WDR48: variants seen among roughly 807,000 people sequenced by gnomAD.
The protein encoded by WDR48 is WD repeat domain 48.
WDR48 carries 22 observed loss-of-function variants against 94.0 expected under a neutral mutation model. The ratio of observed to expected loss-of-function variants is 0.23; its 90% CI spans 0.17 to 0.33. The LOEUF is 0.33. WDR48 is among the 10% of genes least tolerant of loss of function. The pLI is 1.00. For missense variants in WDR48, 541 were observed against 813.8 expected, an observed-to-expected ratio of 0.66 and a Z score of 4.08; for synonymous variants, 278 against 280.5, an observed-to-expected ratio of 0.99 and a Z score of 0.09.
In WDR48 at chr3:39,094,865, C is replaced by T. The variant is rs1404623813; in HGVS notation, c.*122C>T. ...CTTCTAACGGCTGATTGGTATGGACCGAGATTATCTTTCAATTGAAGTGAC... is the reference window on the plus strand; with the variant it reads ...CTTCTAACGGCTGATTGGTATGGACTGAGATTATCTTTCAATTGAAGTGAC... On this transcript the variant is annotated 3_prime_UTR_variant, in exon 19 of 19. Transcript: ENST00000302313. 10 of 1,240,290 alleles carry T rather than the reference C, an allele frequency of 8.1e-6. No individual in the cohort carries two copies. Among genetic ancestry groups the T allele is most frequent in the East Asian group, 2.3e-5 (1 of 42,836 alleles). 76.8% of individuals were successfully genotyped at this position (1,240,290 alleles called of 1,614,324 possible). A position where few individuals can be genotyped will look rare whatever the true frequency, so the allele number is the denominator to read the frequency against.
intron 16 of WDR48, 183 bp from the exon 17 acceptor site, chr3:39,091,442 A>G: frequency 2.1e-6 from 1 of 484,888 alleles, no homozygotes. Flanking sequence ...TGTTACATAT[A>G]TTTTTCTGAT....
At chr3:39,092,680 A>G (rs1369125197) in intron 17 of WDR48, among the ~76,000 whole-genome samples, 1 of 152,172 alleles carries the variant, frequency 6.6e-6, no homozygotes, top group Non-Finnish European at 1.5e-5. Flanking sequence ...GGGATGCTAA[A>G]CTATGAACAA....
chr3:39,075,993 G>A (rs1012033153), intron 8 of WDR48, among the ~76,000 whole-genome samples: 17 of 152,160 alleles, frequency 1.1e-4, no homozygotes, highest in African/African-American at 4.1e-4. Context: ...ACCACACGTG[G>A]CCGGAAGTTT....
intron 2 of WDR48, among the ~76,000 whole-genome samples, chr3:39,064,524 C>T (rs1575400062): frequency 6.6e-6 from 1 of 152,156 alleles, no homozygotes; most frequent in African/African-American, 2.4e-5. Flanking sequence ...ATCCAACTGC[C>T]TTGGCCTCCC....
intron 7 of WDR48, among the ~76,000 whole-genome samples, chr3:39,073,167 C>T (rs2034031381): frequency 6.6e-6 from 1 of 152,164 alleles, no homozygotes; most frequent in South Asian, 2.1e-4. Context: ...AGAATAACAC[C>T]TCTTCCTGGA....
chr3:39,078,150 T>C lies in WDR48; in HGVS notation c.986T>C (p.Ile329Thr). ...STVNKWTLKGIHNFRASGDYD... is the reference protein window; with the variant it reads ...STVNKWTLKGTHNFRASGDYD... ...TTGTAATTTTAGACTTTGAAAGGAATTCATAATTTTAGAGCCTCTGGAGAT... is the reference window on the plus strand; with the variant it reads ...TTGTAATTTTAGACTTTGAAAGGAACTCATAATTTTAGAGCCTCTGGAGAT... The change falls in exon 10 of 19, where the codon ATT (isoleucine) becomes ACT (threonine). Residue 329 changes from isoleucine (I) to threonine (T), a missense_variant. Around this residue, in one of 5 missense-constraint regions of WDR48, gnomAD observed 238 missense variants for 285.3 expected, o/e 0.83. Transcript: ENST00000302313. 3 of 1,610,378 alleles carry C rather than the reference T, an allele frequency of 1.9e-6. No individual in the cohort carries two copies. Among genetic ancestry groups the C allele is most frequent in the Non-Finnish European group, 2.5e-6 (3 of 1,178,110 alleles).
intron 13 of WDR48, among the ~76,000 whole-genome samples, chr3:39,085,308 C>G (rs1412978572): frequency 6.6e-6 from 1 of 152,070 alleles, no homozygotes; most frequent in Admixed American, 6.5e-5. Flanking sequence ...TGTCTTTGCT[C>G]CATAGCATCA....
chr3:39,054,187 C>T (rs6599004), intron 1 of WDR48, among the ~76,000 whole-genome samples: 73,005 of 152,114 alleles, frequency 0.48, 21,414 homozygotes, highest in African/African-American at 0.84. Flanking sequence ...CAAACAAAAA[C>T]ATAAATTAGA....
In WDR48 at chr3:39,052,048, A is replaced by G; in HGVS notation, c.23A>G (p.Asn8Ser). MAAHHRQ[N>S]TAGRRKVQVS... ...AAGATGGCGGCCCATCACCGGCAGA[A>G]CACAGCAGGGCGGAGGAAAGTGCAG... Residue 8 changes from asparagine to serine, a missense_variant, in exon 1 of 19, where the codon AAC becomes AGC. Around this residue, in one of 5 missense-constraint regions of WDR48, gnomAD observed 90 missense variants for 122.3 expected, o/e 0.74. Coordinates refer to ENST00000302313, the MANE Select transcript of WDR48 (RefSeq NM_020839.4). 6.2e-7 allele frequency: 1 copy of G among 1,613,954 alleles called. No individual in the cohort carries two copies. The highest frequency in any genetic ancestry group is 1.1e-5 in the South Asian group (1 of 91,088).
intron 8 of WDR48, 26 bp from the exon 9 acceptor site, chr3:39,077,113 G>C: frequency 6.2e-7 from 1 of 1,613,740 alleles, no homozygotes; most frequent in Non-Finnish European, 8.5e-7. Context: ...ATTCCACAAA[G>C]CAATATTTTT....
chr3:39,084,123 T>C, intron 11 of WDR48, 32 bp from the exon 12 acceptor site: 1 of 1,217,616 alleles, frequency 8.2e-7, no homozygotes, highest in South Asian at 1.4e-5. Flanking sequence ...CACCACTTAA[T>C]ATTGATCATT....
chr3:39,073,537 C>G (rs546842482), intron 7 of WDR48, among the ~76,000 whole-genome samples: 7 of 152,326 alleles, frequency 4.6e-5, no homozygotes, highest in African/African-American at 1.7e-4. Context: ...ACTTCATACT[C>G]CAGCACCAGC....
intron 7 of WDR48, among the ~76,000 whole-genome samples, chr3:39,071,016 C>G (rs1040234907): frequency 6.6e-6 from 1 of 152,146 alleles, no homozygotes; most frequent in Non-Finnish European, 1.5e-5. Flanking sequence ...ATGAACTCAT[C>G]ATTTTTTATG....
intron 3 of WDR48, 102 bp downstream of exon 3, chr3:39,065,991 G>A (rs969680754): frequency 1.6e-4 from 124 of 761,292 alleles, no homozygotes; most frequent in Admixed American, 2.8e-4. Context: ...CACACACTTC[G>A]AGATTGCAGT....
chr3:39,072,602 T>G (rs2033999912), intron 7 of WDR48, among the ~76,000 whole-genome samples: 2 of 152,310 alleles, frequency 1.3e-5, no homozygotes, highest in Admixed American at 6.5e-5. Context: ...AGCACCTGAT[T>G]AGGGCTACAG....
chr3:39,083,604 G>A (rs919119705), intron 11 of WDR48, among the ~76,000 whole-genome samples: 1 of 152,286 alleles, frequency 6.6e-6, no homozygotes, highest in Non-Finnish European at 1.5e-5. Context: ...AGGTGGCAAG[G>A]TCAGAGGTAG....
chr3:39,078,112 C>A, intron 9 of WDR48, 25 bp from the exon 10 acceptor site: 1 of 1,538,910 alleles, frequency 6.5e-7, no homozygotes, highest in South Asian at 1.1e-5. Flanking sequence ...ATAACATGAT[C>A]AAATAACAAA....
chr3:39,063,484 A>G (rs1359656659), intron 2 of WDR48, among the ~76,000 whole-genome samples: 1 of 152,232 alleles, frequency 6.6e-6, no homozygotes, highest in Non-Finnish European at 1.5e-5. Flanking sequence ...ACTTTCAACA[A>G]TTAATTTTTT....
chr3:39,067,692 C>G (rs1159793426), intron 5 of WDR48, among the ~76,000 whole-genome samples: 1 of 152,202 alleles, frequency 6.6e-6, no homozygotes, highest in Non-Finnish European at 1.5e-5. Context: ...TTTATAACGA[C>G]TCTGTGGAGT....
Sources: gnomAD v4.1 joint callset for allele counts (sites outside exome capture counted in the v4.1 genomes callset) on GRCh38, gnomAD v4.1.1 for gene constraint, gnomAD v4.1.1 regional missense constraint, MANE v1.5 for transcripts, NCBI Gene and HGNC (gene_info 2026-07-23, HGNC 2026-07-21) for gene names.